The following CFAP20DC variants were observed in gnomAD, a reference collection of about 807,000 sequenced individuals.
CFAP20DC encodes CFAP20 domain containing.
Under a neutral mutation model 101.7 loss-of-function variants are expected in CFAP20DC, and 84 were observed. The ratio of observed to expected loss-of-function variants is 0.83; its 90% CI spans 0.69 to 0.99. The LOEUF is 0.99. Among genes scored for constraint, CFAP20DC ranks in the 50% least tolerant of loss-of-function variants. The pLI is 0.00. For missense variants in CFAP20DC, 1,007 were observed against 970.3 expected, an observed-to-expected ratio of 1.04 and a Z score of -0.50; for synonymous variants, 359 against 351.2, an observed-to-expected ratio of 1.02 and a Z score of -0.25.
intron 11 of CFAP20DC, 69 bp downstream of exon 11, chr3:58,866,497 G>C (rs2079704491): frequency 7.6e-7 from 1 of 1,315,598 alleles, no homozygotes; most frequent in East Asian, 2.6e-5. Flanking sequence ...AAAATGACTG[G>C]ATTTGAAATA....
chr3:58,954,435 C>G (rs902174171), intron 4 of CFAP20DC, among the ~76,000 whole-genome samples: 2 of 152,154 alleles, frequency 1.3e-5, no homozygotes, highest in East Asian at 1.9e-4. Flanking sequence ...TTTTCCTCAT[C>G]ATGACCTAAA....
rs1036262143 is a variant in CFAP20DC at position 58,868,383 on chromosome 3, C to T, written c.1016-447G>A. On this transcript the variant is annotated intron_variant, in intron 9 of 16. Coordinates refer to ENST00000482387, the MANE Select transcript of CFAP20DC (RefSeq NM_001394063.1). This position sits in a 1 kb window ranked among gnomAD's most constrained non-coding sequence, Gnocchi z 4.6. The stretch of plus-strand genomic sequence containing the variant: ...CAAGCTGAAGAAGAACTTCTAAGTA[C>T]GATTTAATTTAGCAATAATAATAAT... 1.5e-4 allele frequency among the ~76,000 whole-genome samples: 23 copies of T among 152,032 alleles called. No homozygotes were observed. The highest frequency in any genetic ancestry group is 4.6e-4 in the African/African-American group (19 of 41,396).
chr3:58,843,424 T>C (rs1179357229), intron 13 of CFAP20DC, among the ~76,000 whole-genome samples: 7 of 151,454 alleles, frequency 4.6e-5, no homozygotes, highest in African/African-American at 1.7e-4. Context: ...CAATGGAAGA[T>C]GAAATGAATG....
intron 4 of CFAP20DC, among the ~76,000 whole-genome samples, chr3:59,013,133 T>G (rs142214815): frequency 6.6e-6 from 1 of 152,286 alleles, no homozygotes; most frequent in African/African-American, 2.4e-5. Flanking sequence ...GTCCCAGCCA[T>G]AGAATTCCAC....
At chr3:59,048,993 C>G (rs1700099825) in intron 1 of CFAP20DC, among the ~76,000 whole-genome samples, 1 of 152,130 alleles carries the variant, frequency 6.6e-6, no homozygotes, top group Non-Finnish European at 1.5e-5. Context: ...CTTGGGGGAA[C>G]TAGTTAAAAA....
At chr3:58,932,799 G>A (rs991453491) in intron 5 of CFAP20DC, among the ~76,000 whole-genome samples, 10 of 152,172 alleles carry the variant, frequency 6.6e-5, no homozygotes, top group Non-Finnish European at 1.2e-4. Flanking sequence ...GGAACAACCA[G>A]TACCAGCAAC....
chr3:58,913,453 G>A lies in CFAP20DC; in HGVS notation c.550+255C>T. 5.0e-6 allele frequency: 3 copies of A among 599,040 alleles called. No individual in the cohort carries two copies. The highest frequency in any genetic ancestry group is 8.8e-6 in the Non-Finnish European group (3 of 339,482). The allele number at this position is 599,040 out of a possible 1,614,324, so 37.1% of individuals were successfully genotyped here. A position where few individuals can be genotyped will look rare whatever the true frequency, so the allele number is the denominator to read the frequency against. On this transcript the variant is annotated intron_variant, in intron 6 of 16. Transcript: ENST00000482387. The surrounding 1 kb of genome is among the most constrained non-coding windows in gnomAD (Gnocchi z 4.4). ...TGTTGTTTGTAACTAAGGAGCCTAA[G>A]ACAGATAGCAAGTGTTACCATAAAG...
At chr3:59,032,033 C>T (rs924550071) in intron 4 of CFAP20DC, among the ~76,000 whole-genome samples, 3 of 152,182 alleles carry the variant, frequency 2.0e-5, no homozygotes, top group African/African-American at 7.2e-5. Context: ...ACAATGGGTG[C>T]AGCCCAAGGA....
chr3:59,021,375 C>T (rs896087463), intron 4 of CFAP20DC, among the ~76,000 whole-genome samples: 4 of 151,980 alleles, frequency 2.6e-5, no homozygotes, highest in African/African-American at 9.7e-5. Context: ...AGTAGAGGGG[C>T]TCAGGAATAT....
At chr3:59,038,487 C>A (rs1484245487) in intron 4 of CFAP20DC, among the ~76,000 whole-genome samples, 1 of 152,136 alleles carries the variant, frequency 6.6e-6, no homozygotes, top group Admixed American at 6.5e-5. Flanking sequence ...TGCTTTATTG[C>A]ACTTTGCAGA....
chr3:58,840,727 C>A (rs1359815540), intron 13 of CFAP20DC, among the ~76,000 whole-genome samples: 1 of 152,194 alleles, frequency 6.6e-6, no homozygotes, highest in Admixed American at 6.5e-5. Context: ...TTCTGCCTAA[C>A]CACTCAGCAA....
At chr3:58,981,561 C>G (rs1255191305) in intron 4 of CFAP20DC, among the ~76,000 whole-genome samples, 1 of 152,172 alleles carries the variant, frequency 6.6e-6, no homozygotes, top group East Asian at 1.9e-4. Context: ...TGCATGTCTA[C>G]AACCATCTGG....
intron 3 of CFAP20DC, among the ~76,000 whole-genome samples, chr3:58,720,209 C>G (rs2067452218): frequency 1.3e-5 from 2 of 152,248 alleles, no homozygotes; most frequent in Non-Finnish European, 1.5e-5. Flanking sequence ...GGGCCTTTGG[C>G]TGTCTTGTTC....
At chr3:58,741,294 G>A (rs975979687), downstream of CFAP20DC, among the ~76,000 whole-genome samples, 2 of 152,086 alleles carry the variant, frequency 1.3e-5, no homozygotes, top group Non-Finnish European at 2.9e-5. Flanking sequence ...AGAAGCACAT[G>A]ACTTTTTCCT....
intron 4 of CFAP20DC, chr3:59,017,464 C>T (rs1472961027): frequency 2.0e-5 from 3 of 152,114 alleles, no homozygotes; most frequent in South Asian, 2.1e-4. Flanking sequence ...AACTTTACTG[C>T]TAAAAATTAA....
intron 4 of CFAP20DC, among the ~76,000 whole-genome samples, chr3:58,965,495 G>A (rs1282022685): frequency 5.3e-5 from 8 of 152,142 alleles, no homozygotes; most frequent in East Asian, 1.9e-4. Flanking sequence ...AGGTTCTGGA[G>A]ACAAGGGTAT....
At chr3:58,767,788 A>G (rs2070455022) in intron 15 of CFAP20DC, among the ~76,000 whole-genome samples, 2 of 152,196 alleles carry the variant, frequency 1.3e-5, no homozygotes, top group Non-Finnish European at 2.9e-5. Context: ...TTAATATTGA[A>G]GAATAACCCC....
intron 4 of CFAP20DC, among the ~76,000 whole-genome samples, chr3:58,982,090 A>G (rs2092573587): frequency 6.6e-6 from 1 of 152,250 alleles, no homozygotes; most frequent in South Asian, 2.1e-4. Flanking sequence ...TTATGCAGCC[A>G]AAAGACACAT....
chr3:58,987,670 C>G (rs187034695), intron 4 of CFAP20DC, among the ~76,000 whole-genome samples: 1 of 152,018 alleles, frequency 6.6e-6, no homozygotes, highest in South Asian at 2.1e-4. Context: ...TATACTTTTA[C>G]ATATATAGCT....
Sources: allele counts gnomAD v4.1 joint callset (sites outside exome capture counted in the v4.1 genomes callset), GRCh38; gene constraint gnomAD v4.1.1; non-coding constraint Gnocchi (gnomAD v3.1); transcripts MANE v1.5; gene names NCBI Gene and HGNC (gene_info 2026-07-23, HGNC 2026-07-21).